ACOT12: variants seen among roughly 807,000 people sequenced by gnomAD.
The protein encoded by ACOT12 is acyl-CoA thioesterase 12.
Under a neutral mutation model 67.7 loss-of-function variants are expected in ACOT12, and 51 were observed. The observed-to-expected ratio is 0.75, with a 90% CI of 0.60 to 0.95. The LOEUF is 0.95. ACOT12 is among the 40% of genes least tolerant of loss of function. The probability of loss-of-function intolerance (pLI) is 0.00; values close to 1 mark genes in which losing one functional copy is unlikely to be tolerated. For missense variants in ACOT12, 734 were observed against 708.1 expected (o/e 1.04, Z -0.41); for synonymous variants, 251 against 244.6 (o/e 1.03, Z -0.24).
Position 81,330,499 on chromosome 5 carries a change from A to G in ACOT12, c.1563T>C (p.Phe521=), listed in dbSNP as rs200890414. Residue 521 remains phenylalanine (F), a synonymous_variant, in exon 15 of 15, where the codon TTT becomes TTC. Transcript: ENST00000307624. Reference sequence around the variant, plus strand: ...TTGACCAGCCACCAAGATTTCCAGCAAAGTAAGGAAGGATGCTAGCAGACA... The same window carrying G: ...TTGACCAGCCACCAAGATTTCCAGCGAAGTAAGGAAGGATGCTAGCAGACA... ...NHMSASILPY[F]AGNLGGWSKS... 9.4e-5 allele frequency: 151 copies of G among 1,614,042 alleles called. No homozygotes were observed. Among genetic ancestry groups the G allele is most frequent in the Non-Finnish European group, 1.3e-4 (148 of 1,180,006 alleles).
At chr5:81,391,438 G>A (rs115070591) in intron 1 of ACOT12, among the ~76,000 whole-genome samples, 3,535 of 152,278 alleles carry the variant, frequency 0.023, 58 homozygotes, top group South Asian at 0.083. Context: ...TAACTTTCAA[G>A]TGTTATAAGC....
At chr5:81,370,772 G>A (rs542933733) in intron 3 of ACOT12, among the ~76,000 whole-genome samples, 7 of 152,282 alleles carry the variant, frequency 4.6e-5, no homozygotes, top group African/African-American at 1.4e-4. Context: ...CCAGTCTGTG[G>A]TGCTTTGTTA....
At chr5:81,335,990 AT>A in intron 11 of ACOT12, 89 bp from the exon 12 acceptor site, 1 of 1,335,196 alleles carries the variant, frequency 7.5e-7, no homozygotes, top group Non-Finnish European at 1.0e-6. Context: ...TCATAGACCA[AT>A]TGCACTAACT....
intron 1 of ACOT12, among the ~76,000 whole-genome samples, chr5:81,393,709 C>A (rs1319736448): frequency 1.4e-5 from 2 of 141,286 alleles, no homozygotes; most frequent in Non-Finnish European, 3.1e-5. Flanking sequence ...AGCTCAACAA[C>A]AACAACAACA....
In ACOT12 at chr5:81,330,305, T is replaced by C; in HGVS notation, c.*89A>G. The C allele has an allele frequency of 7.1e-7, 1 of 1,415,690 alleles. No homozygotes were observed. Among genetic ancestry groups the C allele is most frequent in the African/African-American group, 1.4e-5 (1 of 69,896 alleles). 87.7% of individuals were successfully genotyped at this position (1,415,690 alleles called of 1,614,324 possible). ...TGCTTAGGGTTATATTAAATTATTT[T>C]GTGGCCCCAAAGCTTGACAGATGTC... On this transcript the variant is annotated 3_prime_UTR_variant, in exon 15 of 15. Transcript: ENST00000307624.
At chr5:81,336,266 C>T (rs1758999894) in intron 11 of ACOT12, among the ~76,000 whole-genome samples, 2 of 152,136 alleles carry the variant, frequency 1.3e-5, no homozygotes, top group African/African-American at 4.8e-5. Flanking sequence ...GACTGCTAGG[C>T]AGGTCAGCAC....
chr5:81,332,825 A>G (rs1758872244), intron 12 of ACOT12, among the ~76,000 whole-genome samples: 2 of 152,188 alleles, frequency 1.3e-5, no homozygotes, highest in South Asian at 4.2e-4. Context: ...ACACCTTGGG[A>G]GTCTGAGGTG....
the ACOT12 span, among the ~76,000 whole-genome samples, chr5:81,318,075 G>A: frequency 6.6e-6 from 1 of 151,912 alleles, no homozygotes; most frequent in Non-Finnish European, 1.5e-5. Flanking sequence ...TAGAGACAGG[G>A]TTTCACCATG....
chr5:81,351,493 T>C (rs954607735), intron 5 of ACOT12, among the ~76,000 whole-genome samples: 3 of 152,092 alleles, frequency 2.0e-5, no homozygotes, highest in Admixed American at 1.3e-4. Context: ...GCCAAGAACA[T>C]ACATTGGGGA....
chr5:81,345,161 G>A, intron 7 of ACOT12, 120 bp from the exon 8 acceptor site: 3 of 1,314,360 alleles, frequency 2.3e-6, no homozygotes, highest in Non-Finnish European at 3.1e-6. Context: ...AGGAGGATAA[G>A]GGCCTGGGTT....
At chr5:81,349,985 A>G (rs946656542) in intron 5 of ACOT12, among the ~76,000 whole-genome samples, 3 of 152,126 alleles carry the variant, frequency 2.0e-5, no homozygotes, top group African/African-American at 7.2e-5. Context: ...TATAATTTGC[A>G]TTTTCCTGAT....
At chr5:81,350,717 G>C (rs1167550752) in intron 5 of ACOT12, among the ~76,000 whole-genome samples, 1 of 152,180 alleles carries the variant, frequency 6.6e-6, no homozygotes, top group East Asian at 1.9e-4. Context: ...GACTTCTGAG[G>C]ATCCAAATCT....
At chr5:81,338,810 G>C (rs1759094054) in intron 11 of ACOT12, among the ~76,000 whole-genome samples, 1 of 152,126 alleles carries the variant, frequency 6.6e-6, no homozygotes, top group Admixed American at 6.5e-5. Context: ...TATACAAATA[G>C]TATAAGAGGG....
At chr5:81,329,664 G>A (rs1177692403), downstream of ACOT12, among the ~76,000 whole-genome samples, 1 of 152,196 alleles carries the variant, frequency 6.6e-6, no homozygotes, top group Non-Finnish European at 1.5e-5. Context: ...AATCACAGAG[G>A]AGAATACTGA....
the ACOT12 span, chr5:81,312,421 G>A: frequency 1.4e-6 from 1 of 703,604 alleles, no homozygotes; most frequent in South Asian, 1.9e-5. Flanking sequence ...CTTTAGTGAT[G>A]GAGTCTTCCC....
chr5:81,317,850 G>GAGTTTTAT, the ACOT12 span, among the ~76,000 whole-genome samples: 3 of 151,306 alleles, frequency 2.0e-5, no homozygotes, highest in South Asian at 4.2e-4. Context: ...GTTTTCTTCT[G>GAGTTTTAT]AGTTTTATAT....
At chr5:81,326,270 G>A (rs909473091), downstream of ACOT12, among the ~76,000 whole-genome samples, 1 of 151,788 alleles carries the variant, frequency 6.6e-6, no homozygotes, top group Non-Finnish European at 1.5e-5. Flanking sequence ...GATTACAGGC[G>A]CATGCCACCA....
chr5:81,327,453 T>G (rs1161339937), downstream of ACOT12, among the ~76,000 whole-genome samples: 6 of 152,328 alleles, frequency 3.9e-5, no homozygotes, highest in Non-Finnish European at 7.4e-5. Flanking sequence ...TTCCTTTTTT[T>G]TTGTTGAGAC....
At chr5:81,328,363 G>C (rs1408649651), downstream of ACOT12, among the ~76,000 whole-genome samples, 1 of 151,926 alleles carries the variant, frequency 6.6e-6, no homozygotes, top group Non-Finnish European at 1.5e-5. Context: ...TCTGTTTCTT[G>C]CTGAACCCGC....
Sources: gnomAD v4.1 joint callset for allele counts (sites outside exome capture counted in the v4.1 genomes callset) on GRCh38, gnomAD v4.1.1 for gene constraint, MANE v1.5 for transcripts, NCBI Gene and HGNC (gene_info 2026-07-23, HGNC 2026-07-21) for gene names.